Variants in KLF8 observed in about 807,000 individuals in gnomAD.
KLF8 encodes the protein Krueppel-like factor 8.
A neutral mutation model predicts 18.2 loss-of-function variants in KLF8; 10 were observed. The ratio of observed to expected loss-of-function variants is 0.55; its 90% CI spans 0.34 to 0.93. The LOEUF (loss-of-function observed/expected upper bound fraction) is 0.93, where lower values mean the gene tolerates loss of function less well. Among genes scored for constraint, KLF8 ranks in the 40% least tolerant of loss-of-function variants. KLF8 has a pLI of 0.02. For synonymous variants in KLF8, 109 were observed against 97.3 expected (o/e 1.12, Z -0.71); for missense variants, 264 against 277.9 (o/e 0.95, Z 0.36).
chrX:56,153,562 C>G, the KLF8 span, among the ~76,000 whole-genome samples: 3 of 110,810 alleles, frequency 2.7e-5, no homozygotes, highest in Non-Finnish European at 3.8e-5. Flanking sequence ...GAGAGGGCAT[C>G]CCTGTCTCGT....
the KLF8 span, among the ~76,000 whole-genome samples, chrX:56,118,675 T>C: frequency 2.6e-4 from 29 of 111,137 alleles, no homozygotes; most frequent in Non-Finnish European, 4.5e-4. Flanking sequence ...CTAAAATCTC[T>C]TAGTTTTTAG....
At chrX:56,036,577 C>T in the KLF8 span, among the ~76,000 whole-genome samples, 3 of 111,880 alleles carry the variant, frequency 2.7e-5, no homozygotes, top group Non-Finnish European at 3.8e-5. Context: ...TTTTGATTAC[C>T]ACGACTTTGT....
intron 1 of KLF8, among the ~76,000 whole-genome samples, chrX:56,236,396 C>A (rs749868908): frequency 8.9e-6 from 1 of 111,760 alleles, no homozygotes; most frequent in Non-Finnish European, 1.9e-5. Flanking sequence ...ACTTAGAAGG[C>A]GGCATGAAAG....
the KLF8 span, among the ~76,000 whole-genome samples, chrX:56,050,404 T>C: frequency 8.9e-6 from 1 of 112,437 alleles, no homozygotes; most frequent in South Asian, 3.7e-4. Flanking sequence ...TGTGGGCATT[T>C]AGTGCTATAA....
upstream of KLF8, among the ~76,000 whole-genome samples, chrX:56,230,692 T>C (rs188630131): frequency 2.7e-5 from 3 of 111,847 alleles, no homozygotes; most frequent in Admixed American, 2.9e-4. Flanking sequence ...TTAATATACA[T>C]AAGAGGCTTA....
At chrX:56,012,424 T>C in the KLF8 span, among the ~76,000 whole-genome samples, 14 of 111,900 alleles carry the variant, frequency 1.3e-4, no homozygotes, top group African/African-American at 4.5e-4. Flanking sequence ...CTCAGTAAAG[T>C]AAATATTGAT....
chrX:55,934,194 A>G, the KLF8 span, among the ~76,000 whole-genome samples: 1 of 111,957 alleles, frequency 8.9e-6, no homozygotes, highest in African/African-American at 3.2e-5. Flanking sequence ...GGCAGAATCT[A>G]TTCTAACCAC....
chrX:55,925,222 C>T, the KLF8 span, among the ~76,000 whole-genome samples: 2 of 100,410 alleles, frequency 2.0e-5, no homozygotes, highest in African/African-American at 7.4e-5. Context: ...AGTGTTCTAC[C>T]GTAAATAAAC....
rs986660735 is a variant in KLF8 at position 56,288,643 on chromosome X, A to C, written c.*4149A>C. Reference sequence around the variant, plus strand: ...AGTCTGGTAAATGTGCAATAGCATTATGTCTAAAAAACAATGTACATACCT... The same window carrying C: ...AGTCTGGTAAATGTGCAATAGCATTCTGTCTAAAAAACAATGTACATACCT... On this transcript the variant is annotated 3_prime_UTR_variant, in exon 6 of 6. Transcript: ENST00000468660. Among the ~76,000 whole-genome samples the C allele has an allele frequency of 8.9e-6, 1 of 112,589 alleles. No individual in the cohort carries two copies. The highest frequency in any genetic ancestry group is 1.9e-5 in the Non-Finnish European group (1 of 53,367).
At chrX:56,110,561 T>G in the KLF8 span, among the ~76,000 whole-genome samples, 1 of 111,913 alleles carries the variant, frequency 8.9e-6, no homozygotes, top group Non-Finnish European at 1.9e-5. Context: ...CTTTTTTGTT[T>G]GATTTTTTCT....
the KLF8 span, among the ~76,000 whole-genome samples, chrX:55,927,626 T>C: frequency 8.9e-6 from 1 of 112,351 alleles, no homozygotes; most frequent in Non-Finnish European, 1.9e-5. Context: ...TATAAAATGG[T>C]AATGCATAGC....
chrX:56,063,343 A>G, the KLF8 span, among the ~76,000 whole-genome samples: 4 of 111,238 alleles, frequency 3.6e-5, no homozygotes, highest in African/African-American at 1.3e-4. Flanking sequence ...CCTTCAGATG[A>G]AGTTTCTGTG....
chrX:56,202,915 T>C, the KLF8 span, among the ~76,000 whole-genome samples: 2 of 111,507 alleles, frequency 1.8e-5, no homozygotes, highest in Non-Finnish European at 3.8e-5. Context: ...TTTGATATAC[T>C]GATTTCATTT....
At chrX:56,277,798 C>G (rs913895032) in intron 5 of KLF8, among the ~76,000 whole-genome samples, 1 of 112,410 alleles carries the variant, frequency 8.9e-6, no homozygotes, top group Non-Finnish European at 1.9e-5. Context: ...GCCAGGAACT[C>G]TAGTCAAAAC....
the KLF8 span, among the ~76,000 whole-genome samples, chrX:56,156,263 T>C: frequency 4.5e-5 from 5 of 112,117 alleles, no homozygotes; most frequent in Non-Finnish European, 7.5e-5. Flanking sequence ...AGTTCAGGGG[T>C]ACAAGTGCAG....
At chrX:56,053,527 G>A in the KLF8 span, among the ~76,000 whole-genome samples, 1 of 83,973 alleles carries the variant, frequency 1.2e-5, no homozygotes, top group Non-Finnish European at 2.3e-5. Flanking sequence ...AATAATTTAG[G>A]GAGAAGTCTT....
the KLF8 span, among the ~76,000 whole-genome samples, chrX:56,221,721 C>T: frequency 9.0e-6 from 1 of 111,679 alleles, no homozygotes; most frequent in African/African-American, 3.3e-5. Flanking sequence ...CGTAGTGAAG[C>T]TGCAGACCTT....
chrX:55,911,262 C>T, the KLF8 span, among the ~76,000 whole-genome samples: 1 of 111,372 alleles, frequency 9.0e-6, no homozygotes, highest in Non-Finnish European at 1.9e-5. Context: ...TGTGGTCTTG[C>T]TTTTTCAGGA....
At chrX:56,133,916 T>C in the KLF8 span, among the ~76,000 whole-genome samples, 1 of 54,206 alleles carries the variant, frequency 1.8e-5, no homozygotes, top group Non-Finnish European at 4.0e-5. Context: ...CCTTTTACAA[T>C]ATCTGCAAAA....
Sources: allele counts gnomAD v4.1 joint callset (sites outside exome capture counted in the v4.1 genomes callset), GRCh38; gene constraint gnomAD v4.1.1; transcripts MANE v1.5; gene names NCBI Gene and HGNC (gene_info 2026-07-23, HGNC 2026-07-21).